The following RAD51B variants were observed in gnomAD, a reference collection of about 807,000 sequenced individuals.
RAD51B encodes the protein DNA repair protein RAD51 homolog 2.
RAD51B carries 38 observed loss-of-function variants against 42.2 expected under a neutral mutation model. The observed-to-expected ratio is 0.90, with a 90% CI of 0.70 to 1.18. The LOEUF (loss-of-function observed/expected upper bound fraction) is 1.18. Ranked by LOEUF, RAD51B falls within the 50% of genes most tolerant of loss-of-function variation. The pLI, the probability that RAD51B is intolerant of heterozygous loss-of-function variation, is 0.00. For synonymous variants in RAD51B, 154 were observed against 145.2 expected (o/e 1.06, Z -0.43); for missense variants, 373 against 400.7 (o/e 0.93, Z 0.59).
At chr14:68,668,395 C>T (rs768815163) in intron 11 of RAD51B, among the ~76,000 whole-genome samples, 13 of 152,228 alleles carry the variant, frequency 8.5e-5, no homozygotes, top group South Asian at 2.1e-4. Flanking sequence ...ACCTGCTCAT[C>T]GAAAACCACG....
At chr14:68,054,241 G>A (rs2076438402) in intron 7 of RAD51B, among the ~76,000 whole-genome samples, 1 of 152,076 alleles carries the variant, frequency 6.6e-6, no homozygotes, top group Admixed American at 6.5e-5. Context: ...GCATTCACTT[G>A]TCATGCCTCT....
chr14:68,578,095 G>A (rs546534445), intron 10 of RAD51B, among the ~76,000 whole-genome samples: 26 of 152,368 alleles, frequency 1.7e-4, no homozygotes, highest in East Asian at 9.6e-4. Context: ...GTTGAAACTC[G>A]TTGCTAACAG....
intron 4 of RAD51B, among the ~76,000 whole-genome samples, chr14:67,849,432 C>T (rs1469917328): frequency 6.6e-6 from 1 of 152,160 alleles, no homozygotes; most frequent in Non-Finnish European, 1.5e-5. Flanking sequence ...CAGGCATGCG[C>T]CACCACACCC....
chr14:67,845,611 T>C (rs926673989), intron 4 of RAD51B, among the ~76,000 whole-genome samples: 8 of 152,090 alleles, frequency 5.3e-5, no homozygotes, highest in African/African-American at 1.9e-4. Context: ...ATTGCTGCAG[T>C]GAGCCATGAT....
rs113424380 is a variant in RAD51B, at chr14:68,327,341, A to T, written c.853+35361A>T. 2.6e-3 allele frequency among the ~76,000 whole-genome samples: 398 copies of T among 150,634 alleles called. 2 individuals are homozygous for T. The highest frequency in any genetic ancestry group is 0.021 in the Middle Eastern group (6 of 284). On this transcript the variant is annotated intron_variant, in intron 8 of 10. Transcript: ENST00000471583. Reference sequence around the variant, plus strand: ...TGTATAAATTTCCTCCAGAGCACACAGAGAATAAAAATGCTATTCTTCAGT... The same window carrying T: ...TGTATAAATTTCCTCCAGAGCACACTGAGAATAAAAATGCTATTCTTCAGT...
chr14:68,609,886 G>T (rs998414000), intron 10 of RAD51B, among the ~76,000 whole-genome samples: 1 of 152,008 alleles, frequency 6.6e-6, no homozygotes, highest in Non-Finnish European at 1.5e-5. Context: ...CCCCTCCATG[G>T]GTTCTCCTGG....
chr14:68,120,963 G>A (rs956609842), intron 7 of RAD51B, among the ~76,000 whole-genome samples: 1 of 152,098 alleles, frequency 6.6e-6, no homozygotes, highest in Non-Finnish European at 1.5e-5. Flanking sequence ...TAGGTGTGAT[G>A]TACTAGTCTT....
chr14:67,975,723 G>A (rs889415852), intron 7 of RAD51B, among the ~76,000 whole-genome samples: 1 of 152,210 alleles, frequency 6.6e-6, no homozygotes, highest in Non-Finnish European at 1.5e-5. Context: ...AACGTAGTTT[G>A]AACAGTTGGC....
intron 8 of RAD51B, among the ~76,000 whole-genome samples, chr14:68,389,334 C>T (rs2083683860): frequency 1.3e-5 from 2 of 152,066 alleles, no homozygotes; most frequent in Non-Finnish European, 2.9e-5. Flanking sequence ...CTTCTACAAC[C>T]ATGGATTAGT....
intron 7 of RAD51B, among the ~76,000 whole-genome samples, chr14:68,241,370 A>G (rs1182618434): frequency 2.0e-5 from 3 of 152,080 alleles, no homozygotes; most frequent in Admixed American, 6.5e-5. Context: ...GTGGAACACC[A>G]TCTCTACTAA....
At chr14:67,835,025 A>T in intron 3 of RAD51B, 55 bp from the exon 4 acceptor site, 1 of 1,334,322 alleles carries the variant, frequency 7.5e-7, no homozygotes, top group Non-Finnish European at 1.1e-6. Flanking sequence ...AAGTTGGTTT[A>T]TGTTTTTGAA....
intron 7 of RAD51B, among the ~76,000 whole-genome samples, chr14:68,284,877 T>C (rs1419872877): frequency 6.6e-6 from 1 of 152,124 alleles, no homozygotes; most frequent in African/African-American, 2.4e-5. Flanking sequence ...AAATATTGGG[T>C]ATCTCTATAC....
chr14:68,269,490 G>A (rs4902563), intron 7 of RAD51B, among the ~76,000 whole-genome samples: 11,118 of 152,286 alleles, frequency 0.073, 1,354 homozygotes, highest in African/African-American at 0.25. Flanking sequence ...CCTGAACCCT[G>A]TGCTACCGCA....
intron 8 of RAD51B, among the ~76,000 whole-genome samples, chr14:68,387,366 T>G (rs1192214901): frequency 1.3e-5 from 2 of 152,236 alleles, no homozygotes; most frequent in Non-Finnish European, 2.9e-5. Context: ...GGTTCATTTG[T>G]TCTCAAAAGG....
At chr14:68,015,064 A>G (rs2075755073) in intron 7 of RAD51B, among the ~76,000 whole-genome samples, 2 of 152,182 alleles carry the variant, frequency 1.3e-5, no homozygotes, top group Non-Finnish European at 2.9e-5. Flanking sequence ...ATCTTGGTCC[A>G]GTTACTTAAA....
intron 7 of RAD51B, among the ~76,000 whole-genome samples, chr14:68,227,334 C>T (rs936542248): frequency 3.3e-5 from 5 of 152,172 alleles, no homozygotes; most frequent in Admixed American, 6.5e-5. Flanking sequence ...CTGTTCTCTC[C>T]TTGGGGTCCA....
intron 8 of RAD51B, among the ~76,000 whole-genome samples, chr14:68,400,572 T>G (rs1198387042): frequency 6.6e-6 from 1 of 152,158 alleles, no homozygotes; most frequent in African/African-American, 2.4e-5. Context: ...TGCCTCTGAC[T>G]CTACAATGGG....
rs115386756 is a variant in RAD51B, at chr14:68,068,069, G to A, written c.756+180865G>A. Among the ~76,000 whole-genome samples the A allele has an allele frequency of 9.3e-3, 1,414 of 151,950 alleles. 25 individuals are homozygous for A. Among genetic ancestry groups the A allele is most frequent in the African/African-American group, 0.032 (1,322 of 41,450 alleles). The stretch of plus-strand genomic sequence containing the variant: ...CATTTCAGGTAGAGGAAAGATATGA[G>A]CAGAGAAACAAAGGTGACAAGGTAT... On this transcript the variant is annotated intron_variant, in intron 7 of 10. Transcript: ENST00000471583.
chr14:68,669,627 T>TACACACACACACAC (rs34821600), intron 11 of RAD51B, among the ~76,000 whole-genome samples: 18 of 148,024 alleles, frequency 1.2e-4, no homozygotes, highest in African/African-American at 4.3e-4. Flanking sequence ...ACCCGCCACT[T>TACACACACACACAC]ACACACACAC....
Sources: allele counts gnomAD v4.1 joint callset (sites outside exome capture counted in the v4.1 genomes callset), GRCh38; gene constraint gnomAD v4.1.1; transcripts MANE v1.5; gene names NCBI Gene and HGNC (gene_info 2026-07-23, HGNC 2026-07-21).